The following PXDNL variants were observed in gnomAD, a reference collection of about 807,000 sequenced individuals.
PXDNL encodes the protein probable oxidoreductase PXDNL.
PXDNL carries 145 observed loss-of-function variants against 150.8 expected under a neutral mutation model. The ratio of observed to expected loss-of-function variants is 0.96; its 90% CI spans 0.84 to 1.10. The LOEUF (loss-of-function observed/expected upper bound fraction) is 1.10. Ranked by LOEUF, PXDNL falls within the 50% of genes least tolerant of loss-of-function variation. PXDNL has a pLI of 0.00. For synonymous variants in PXDNL, 757 were observed against 725.7 expected (o/e 1.04, Z -0.69); for missense variants, 2,087 against 1,873.9 (o/e 1.11, Z -2.10).
chr8:51,600,640 G>C (rs183964617), intron 2 of PXDNL, among the ~76,000 whole-genome samples: 1 of 87,560 alleles, frequency 1.1e-5, no homozygotes, highest in African/African-American at 5.4e-5. Flanking sequence ...AAATTATATA[G>C]TTAGATAATA....
At chr8:51,517,171 T>C (rs988608827) in intron 4 of PXDNL, among the ~76,000 whole-genome samples, 1 of 152,172 alleles carries the variant, frequency 6.6e-6, no homozygotes, top group Non-Finnish European at 1.5e-5. Flanking sequence ...ATTTTTTAGA[T>C]TTTGTATCAA....
intron 3 of PXDNL, among the ~76,000 whole-genome samples, chr8:51,585,366 G>A (rs186279767): frequency 1.8e-4 from 28 of 152,192 alleles, no homozygotes; most frequent in Non-Finnish European, 4.4e-5. Context: ...CCTCAGGGAG[G>A]TGTAAAGTGG....
chr8:51,339,844 A>C, intron 20 of PXDNL, 91 bp from the exon 21 acceptor site: 1 of 1,324,516 alleles, frequency 7.5e-7, no homozygotes, highest in Non-Finnish European at 1.0e-6. Context: ...GTCATTTGGC[A>C]TGTACAAGGC....
intron 1 of PXDNL, among the ~76,000 whole-genome samples, chr8:51,673,865 C>G (rs4541903): frequency 0.14 from 20,581 of 152,030 alleles, 2,514 homozygotes; most frequent in African/African-American, 0.32. Context: ...TTCATGTGGG[C>G]ATAACTTTTT....
intron 10 of PXDNL, 133 bp downstream of exon 10, chr8:51,453,386 T>C (rs1173280647): frequency 2.0e-6 from 2 of 999,908 alleles, no homozygotes; most frequent in East Asian, 2.6e-5. Context: ...GCTTTGAAAA[T>C]CTTATTGTGT....
chr8:51,795,526 C>G (rs578246566), intron 1 of PXDNL, among the ~76,000 whole-genome samples: 1 of 152,186 alleles, frequency 6.6e-6, no homozygotes, highest in Non-Finnish European at 1.5e-5. Context: ...GTAAATTGAA[C>G]AACCTGCTCC....
intron 1 of PXDNL, among the ~76,000 whole-genome samples, chr8:51,671,831 A>G (rs998802684): frequency 1.3e-5 from 2 of 152,170 alleles, no homozygotes; most frequent in African/African-American, 2.4e-5. Context: ...TCTCCTCCCT[A>G]TCTCACACTC....
intron 1 of PXDNL, among the ~76,000 whole-genome samples, chr8:51,783,728 T>C (rs1456285209): frequency 1.3e-5 from 2 of 152,056 alleles, no homozygotes; most frequent in African/African-American, 4.8e-5. Context: ...CAGGGAGAAA[T>C]TCCATGTGTA....
intron 5 of PXDNL, among the ~76,000 whole-genome samples, chr8:51,486,794 ATTTTTTTTTTT>A (rs1195750381): frequency 3.3e-3 from 81 of 24,594 alleles, no homozygotes; most frequent in African/African-American, 8.9e-3. Flanking sequence ...ATATATATAT[ATTTTTTTTTTT>A]TTTTTTTTTT....
intron 1 of PXDNL, among the ~76,000 whole-genome samples, chr8:51,801,130 A>G (rs1402596242): frequency 6.6e-6 from 1 of 152,186 alleles, no homozygotes; most frequent in Non-Finnish European, 1.5e-5. Flanking sequence ...TTAAGACCCT[A>G]GGAAAAGAAT....
At chr8:51,523,517 T>C (rs1404711729) in intron 4 of PXDNL, among the ~76,000 whole-genome samples, 1 of 152,192 alleles carries the variant, frequency 6.6e-6, no homozygotes, top group East Asian at 1.9e-4. Context: ...TCTAGTTCTT[T>C]TTCAACATTT....
intron 1 of PXDNL, among the ~76,000 whole-genome samples, chr8:51,683,458 T>C (rs981265817): frequency 8.6e-5 from 13 of 151,904 alleles, no homozygotes; most frequent in Non-Finnish European, 1.3e-4. Flanking sequence ...TCTCCTTATA[T>C]ATTTTGGAAA....
intron 1 of PXDNL, among the ~76,000 whole-genome samples, chr8:51,788,097 A>G (rs1021983766): frequency 6.6e-6 from 1 of 152,280 alleles, no homozygotes; most frequent in Non-Finnish European, 1.5e-5. Flanking sequence ...AATAGGCTAC[A>G]ATATAGTGTA....
intron 1 of PXDNL, among the ~76,000 whole-genome samples, chr8:51,731,846 C>A (rs906548844): frequency 6.6e-6 from 1 of 152,212 alleles, no homozygotes; most frequent in Non-Finnish European, 1.5e-5. Flanking sequence ...GGCTGGGACA[C>A]AGGGCATCAA....
chr8:51,425,195 T>C (rs1330948442), intron 13 of PXDNL, among the ~76,000 whole-genome samples: 1 of 152,248 alleles, frequency 6.6e-6, no homozygotes, highest in Admixed American at 6.5e-5. Flanking sequence ...TTCCAGCACA[T>C]TCCTTATCTG....
chr8:51,566,704 T>C (rs1373404414), intron 3 of PXDNL, among the ~76,000 whole-genome samples: 3 of 151,422 alleles, frequency 2.0e-5, no homozygotes, highest in African/African-American at 7.3e-5. Flanking sequence ...AGGCTGGGAG[T>C]TTGTCAATTT....
chr8:51,665,086 C>T (rs1245128486), intron 1 of PXDNL, among the ~76,000 whole-genome samples: 1 of 152,196 alleles, frequency 6.6e-6, no homozygotes, highest in African/African-American at 2.4e-5. Context: ...GCTGCCAATG[C>T]CAGGACTGGC....
At chr8:51,405,680 CA>C (rs1161188824) in intron 17 of PXDNL, among the ~76,000 whole-genome samples, 1 of 152,184 alleles carries the variant, frequency 6.6e-6, no homozygotes, top group Non-Finnish European at 1.5e-5. Context: ...TTTTATTTTG[CA>C]CTCATAGTTG....
At chr8:51,781,541 T>A (rs7822694) in intron 1 of PXDNL, among the ~76,000 whole-genome samples, 1 of 152,208 alleles carries the variant, frequency 6.6e-6, no homozygotes, top group African/African-American at 2.4e-5. Flanking sequence ...TCTCTTGATA[T>A]TGATTCACTT....
Sources: allele counts gnomAD v4.1 joint callset (sites outside exome capture counted in the v4.1 genomes callset), GRCh38; gene constraint gnomAD v4.1.1; transcripts MANE v1.5; gene names NCBI Gene and HGNC (gene_info 2026-07-23, HGNC 2026-07-21).